Variants in GPD1L observed in about 807,000 individuals in gnomAD.
The protein encoded by GPD1L is glycerol-3-phosphate dehydrogenase 1 like.
In GPD1L, 17 loss-of-function variants were observed where a neutral mutation model predicts 32.9. The ratio of observed to expected loss-of-function variants is 0.52; its 90% CI spans 0.35 to 0.78. The LOEUF is 0.78. Among genes scored for constraint, GPD1L ranks in the 30% least tolerant of loss-of-function variants. GPD1L has a pLI of 0.01. For synonymous variants in GPD1L, 187 were observed against 165.9 expected (o/e 1.13, Z -0.98); for missense variants, 361 against 447.8 (o/e 0.81, Z 1.75).
intron 5 of GPD1L, among the ~76,000 whole-genome samples, chr3:32,155,386 A>G (rs2125495889): frequency 6.6e-6 from 1 of 152,286 alleles, no homozygotes; most frequent in East Asian, 1.9e-4. Flanking sequence ...CGTAATAAAT[A>G]AGTGCCTCCC....
chr3:32,160,670 C>T (rs1015380544), intron 7 of GPD1L, among the ~76,000 whole-genome samples: 17 of 152,024 alleles, frequency 1.1e-4, no homozygotes, highest in Admixed American at 3.3e-4. Flanking sequence ...TGGGTGGGTG[C>T]ATCCATCCTC....
intron 1 of GPD1L, among the ~76,000 whole-genome samples, chr3:32,112,119 C>T (rs898378707): frequency 1.3e-5 from 2 of 152,098 alleles, no homozygotes; most frequent in African/African-American, 2.4e-5. Flanking sequence ...AAAGTTTGTA[C>T]GGCTTTTTAA....
rs532289513 is a variant in GPD1L, at chr3:32,135,101, G to A, written c.226-3486G>A. ...TTCAAACCTATATTTTTTCTCTTTG[G>A]TTCTGGTGTTTTTTCCACTTCACCA... On this transcript the variant is annotated intron_variant, in intron 2 of 7. Transcript: ENST00000282541. Among the ~76,000 whole-genome samples, 3 of 152,298 alleles carry A rather than the reference G, an allele frequency of 2.0e-5. No individual in the cohort carries two copies. In the South Asian group the frequency reaches 6.2e-4, roughly 32 times the overall value.
intron 5 of GPD1L, among the ~76,000 whole-genome samples, chr3:32,154,488 C>T (rs1033501180): frequency 6.6e-6 from 1 of 152,130 alleles, no homozygotes; most frequent in African/African-American, 2.4e-5. Flanking sequence ...GTCAGCTCTT[C>T]CTGTTAGAAA....
At chr3:32,116,080 G>A (rs1262326180) in intron 1 of GPD1L, among the ~76,000 whole-genome samples, 4 of 152,050 alleles carry the variant, frequency 2.6e-5, no homozygotes, top group East Asian at 3.9e-4. Context: ...GAGCCACCGT[G>A]CCCGGCCAGG....
rs757919617 is a variant in GPD1L, at chr3:32,106,699, A to G, written c.-13A>G. 13 of 1,557,320 alleles carry G rather than the reference A, an allele frequency of 8.3e-6. No homozygotes were observed. In the East Asian group the frequency reaches 3.1e-4, roughly 37 times the overall value. ...AGGGAAGCACGGTCCAGGCGGCTAC[A>G]TTCGGCCCGGCCATGGCAGCGGCGC... On this transcript the variant is annotated 5_prime_UTR_variant, in exon 1 of 8. Transcript: ENST00000282541. The surrounding 1 kb of genome is among the most constrained non-coding windows in gnomAD (Gnocchi z 4.0).
intron 1 of GPD1L, among the ~76,000 whole-genome samples, chr3:32,108,240 T>C (rs1700192028): frequency 6.6e-6 from 1 of 151,724 alleles, no homozygotes; most frequent in East Asian, 1.9e-4. Flanking sequence ...AAAATATTAG[T>C]CGGGCATGGT....
chr3:32,116,640 A>G (rs1238643122), intron 1 of GPD1L, among the ~76,000 whole-genome samples: 1 of 152,130 alleles, frequency 6.6e-6, no homozygotes, highest in Non-Finnish European at 1.5e-5. Context: ...TCTAGCTTGG[A>G]CTGATTTACT....
chr3:32,137,522 C>G (rs116007599), intron 2 of GPD1L, among the ~76,000 whole-genome samples: 1 of 152,202 alleles, frequency 6.6e-6, no homozygotes, highest in Non-Finnish European at 1.5e-5. Context: ...TCCATTGATG[C>G]TCCCTTGATC....
intron 2 of GPD1L, among the ~76,000 whole-genome samples, chr3:32,129,800 C>T (rs1233580386): frequency 6.6e-6 from 1 of 152,146 alleles, no homozygotes; most frequent in Non-Finnish European, 1.5e-5. Context: ...GTAGCTCTTC[C>T]CCCTGCAATG....
At chr3:32,162,097 C>A (rs10865842) in intron 7 of GPD1L, among the ~76,000 whole-genome samples, 77,651 of 152,086 alleles carry the variant, frequency 0.51, 21,060 homozygotes, top group African/African-American at 0.69. Flanking sequence ...CTTATTAGCC[C>A]TGTGGCCTTG....
chr3:32,111,909 C>G (rs532629883), intron 1 of GPD1L, among the ~76,000 whole-genome samples: 1 of 151,168 alleles, frequency 6.6e-6, no homozygotes, highest in African/African-American at 2.4e-5. Context: ...TACTCAGTTT[C>G]TGTTGTGATT....
At chr3:32,142,856 C>T (rs560002476) in intron 4 of GPD1L, among the ~76,000 whole-genome samples, 1 of 152,016 alleles carries the variant, frequency 6.6e-6, no homozygotes, top group African/African-American at 2.4e-5. Context: ...GCTTCTATGC[C>T]TTCTCTGTGG....
intron 1 of GPD1L, among the ~76,000 whole-genome samples, chr3:32,124,060 T>C (rs1416067027): frequency 2.6e-5 from 4 of 151,868 alleles, no homozygotes; most frequent in African/African-American, 9.7e-5. Context: ...GTCACATTTC[T>C]TTCTTTCTTT....
chr3:32,147,723 A>G (rs1700852215), intron 5 of GPD1L, among the ~76,000 whole-genome samples: 1 of 152,234 alleles, frequency 6.6e-6, no homozygotes, highest in Non-Finnish European at 1.5e-5. Context: ...AAATTTGAGC[A>G]TCTAGGGAAG....
In GPD1L at chr3:32,140,347, G is replaced by A; in HGVS notation, c.486G>A (p.Lys162=). Residue 162 remains lysine, a synonymous_variant, in exon 4 of 8, where the codon AAG becomes AAA. Transcript: ENST00000282541. ...ANIANEVAAE[K]FCETTIGSKV... ...TTGCCAATGAGGTGGCTGCAGAGAA[G>A]TTCTGTGAGACCACCATCGGTAAGC... 1 of 1,614,156 alleles carries A rather than the reference G, an allele frequency of 6.2e-7. No homozygotes were observed. Among genetic ancestry groups the A allele is most frequent in the Non-Finnish European group, 8.5e-7 (1 of 1,180,014 alleles).
intron 1 of GPD1L, among the ~76,000 whole-genome samples, chr3:32,111,751 C>T (rs1022437702): frequency 1.3e-5 from 2 of 151,852 alleles, no homozygotes; most frequent in Admixed American, 6.5e-5. Context: ...TCTCTGATAC[C>T]GAAGGTCAAG....
At chr3:32,138,121 T>G (rs1486689267) in intron 2 of GPD1L, among the ~76,000 whole-genome samples, 1 of 152,198 alleles carries the variant, frequency 6.6e-6, no homozygotes, top group Non-Finnish European at 1.5e-5. Context: ...TAAATACCCT[T>G]GACCTGTCTC....
chr3:32,126,196 A>C (rs966521521), intron 1 of GPD1L, among the ~76,000 whole-genome samples: 2 of 152,192 alleles, frequency 1.3e-5, no homozygotes, highest in African/African-American at 2.4e-5. Context: ...TCCTGTATCA[A>C]TAAATTAAAT....
Sources: allele counts gnomAD v4.1 joint callset (sites outside exome capture counted in the v4.1 genomes callset), GRCh38; gene constraint gnomAD v4.1.1; non-coding constraint Gnocchi (gnomAD v3.1); transcripts MANE v1.5; gene names NCBI Gene and HGNC (gene_info 2026-07-23, HGNC 2026-07-21).